The following FAM149A variants were observed in gnomAD, a reference collection of about 807,000 sequenced individuals.
FAM149A encodes the protein protein FAM149A.
FAM149A carries 71 observed loss-of-function variants against 78.2 expected under a neutral mutation model. That is an observed-to-expected ratio of 0.91 (90% CI 0.75 to 1.11). FAM149A has a LOEUF of 1.11. FAM149A is among the 50% of genes least tolerant of loss of function. The pLI, the probability that FAM149A is intolerant of heterozygous loss-of-function variation, is 0.00. For missense variants in FAM149A, 1,036 were observed against 971.0 expected, an observed-to-expected ratio of 1.07 and a Z score of -0.89; for synonymous variants, 446 against 410.5, an observed-to-expected ratio of 1.09 and a Z score of -1.04.
At chr4:186,123,850 G>A (rs1362395719) in intron 1 of FAM149A, 7 of 983,480 alleles carry the variant, frequency 7.1e-6, no homozygotes, top group Admixed American at 6.2e-5. Flanking sequence ...GAATAGTTAA[G>A]CAGCAAATAT....
chr4:186,143,420 C>T (rs1375052965), intron 1 of FAM149A, among the ~76,000 whole-genome samples: 1 of 151,236 alleles, frequency 6.6e-6, no homozygotes, highest in Admixed American at 6.6e-5. Context: ...ACACACATCA[C>T]ACATATACAC....
Position 186,167,092 on chromosome 4 carries a change from T to C in FAM149A, c.2135T>C (p.Phe712Ser), listed in dbSNP as rs1735104295. Residue 712 changes from phenylalanine to serine, a missense_variant, in exon 12 of 14, where the codon TTC becomes TCC. Phe to Ser is a radical substitution (Grantham distance 155). This residue lies in a region of FAM149A where 716 missense variants were observed against 711.8 expected (regional missense o/e 1.01). Coordinates refer to ENST00000389354, the MANE Select transcript of FAM149A (RefSeq NM_001367768.3). ...TCAAGGCCCAGCACAACCCACACGT[T>C]CCGGGTGGGTTCTCTGTTTCCTGTA... 1 of 1,612,352 alleles carries C rather than the reference T, an allele frequency of 6.2e-7. No individual in the cohort carries two copies. Among genetic ancestry groups the C allele is most frequent in the Admixed American group, 1.7e-5 (1 of 59,938 alleles).
intron 1 of FAM149A, chr4:186,124,269 T>A (rs2099317306): frequency 1.0e-6 from 1 of 977,936 alleles, no homozygotes; most frequent in East Asian, 1.1e-4. Flanking sequence ...TTCTTTCTTT[T>A]TTTTTTATTA....
In FAM149A at chr4:186,144,741, C is replaced by CGGGGCT; in HGVS notation, c.567-4427_567-4426insTGGGGC. The CGGGGCT allele has an allele frequency of 1.1e-6, 1 of 880,226 alleles. No homozygotes were observed. The highest frequency in any genetic ancestry group is 1.4e-6 in the Non-Finnish European group (1 of 733,952). The allele number at this position is 880,226 out of a possible 1,614,324, so 54.5% of individuals were successfully genotyped here. On this transcript the variant is annotated intron_variant, in intron 1 of 13. Transcript: ENST00000389354. This position sits in a 1 kb window ranked among gnomAD's most constrained non-coding sequence, Gnocchi z 4.2. Reference sequence around the variant, plus strand: ...GTCGGCGCGGGGCCGGGGCCGGGGCCGGGGCCCGGAGCGGGGATGGGCGGG... The same window carrying CGGGGCT: ...GTCGGCGCGGGGCCGGGGCCGGGGCCGGGGCTGGGGCCCGGAGCGGGGATGGGCGGG...
Position 186,105,443 on chromosome 4 carries a change from C to G in FAM149A, c.367C>G (p.Leu123Val). The G allele has an allele frequency of 8.2e-7, 1 of 1,215,736 alleles. No individual in the cohort carries two copies. The highest frequency in any genetic ancestry group is 1.0e-6 in the Non-Finnish European group (1 of 958,790). 75.3% of individuals were successfully genotyped at this position (1,215,736 alleles called of 1,614,324 possible). A position where few individuals can be genotyped will look rare whatever the true frequency, so the allele number is the denominator to read the frequency against. Residue 123 changes from leucine (L) to valine (V), a missense_variant, in exon 1 of 14, where the codon CTG (leucine) becomes GTG (valine). By Grantham distance (32) the Leu-to-Val change is conservative. Coordinates refer to ENST00000389354, the MANE Select transcript of FAM149A (RefSeq NM_001367768.3). ...CGGCGGGGGCTGCTCCCCTGCTCGC[C>G]TGGTGGTCCCAGCGCGGCCGCCCTC...
chr4:186,108,422 AAAAC>A (rs1412919676), intron 1 of FAM149A, among the ~76,000 whole-genome samples: 3 of 147,802 alleles, frequency 2.0e-5, no homozygotes, highest in African/African-American at 4.9e-5. Context: ...TTAAAAAAAA[AAAAC>A]AAAAAACTAA....
chr4:186,168,121 G>T (rs1164526565), intron 13 of FAM149A, among the ~76,000 whole-genome samples: 1 of 152,178 alleles, frequency 6.6e-6, no homozygotes, highest in South Asian at 2.1e-4. Flanking sequence ...GCGTAGCACA[G>T]ATCTGTCGCT....
chr4:186,162,810 C>CTTTTTTTT lies in FAM149A; in HGVS notation c.1576-19_1576-12dup, dbSNP rs56973296. ...GGAACGGCACTGGGCATTTGTAATT[C>CTTTTTTTT]TTTTTTTTTTTTTTTTTTTTTTTAC... On this transcript the variant is annotated intron_variant, in intron 8 of 13. Coordinates refer to ENST00000389354, the MANE Select transcript of FAM149A (RefSeq NM_001367768.3). 3.3e-4 allele frequency: 188 copies of CTTTTTTTT among 563,052 alleles called. 1 individual carries two copies. Among genetic ancestry groups the CTTTTTTTT allele is most frequent in the South Asian group, 8.5e-4 (44 of 51,646 alleles). The allele number at this position is 563,052 out of a possible 1,614,324, so 34.9% of individuals were successfully genotyped here. A position where few individuals can be genotyped will look rare whatever the true frequency, so the allele number is the denominator to read the frequency against.
At chr4:186,141,382 A>C (rs1384258977) in intron 1 of FAM149A, among the ~76,000 whole-genome samples, 1 of 152,176 alleles carries the variant, frequency 6.6e-6, no homozygotes, top group African/African-American at 2.4e-5. Context: ...TATTAGATTA[A>C]AATATATCAT....
chr4:186,150,683 T>C (rs1733492936), intron 3 of FAM149A, among the ~76,000 whole-genome samples: 1 of 147,196 alleles, frequency 6.8e-6, no homozygotes, highest in Non-Finnish European at 1.5e-5. Context: ...CCTCCCAAAG[T>C]GCTGGGATTA....
Position 186,144,687 on chromosome 4 carries a change from G to T in FAM149A, c.567-4486G>T. 1 of 505,526 alleles carries T rather than the reference G, an allele frequency of 2.0e-6. No homozygotes were observed. The highest frequency in any genetic ancestry group is 7.8e-5 in the South Asian group (1 of 12,798). 31.3% of individuals were successfully genotyped at this position (505,526 alleles called of 1,614,324 possible). ...GCTGGGTTGGAAACCCGGCCCGGCAGGGAGCGGGGAAGGCGCGCTTTCCCG... is the reference window on the plus strand; with the variant it reads ...GCTGGGTTGGAAACCCGGCCCGGCATGGAGCGGGGAAGGCGCGCTTTCCCG... On this transcript the variant is annotated intron_variant, in intron 1 of 13. Coordinates refer to ENST00000389354, the MANE Select transcript of FAM149A (RefSeq NM_001367768.3). The surrounding 1 kb of genome is among the most constrained non-coding windows in gnomAD (Gnocchi z 4.2).
intron 1 of FAM149A, chr4:186,145,016 G>A (rs1308818443): frequency 5.3e-4 from 522 of 981,058 alleles, no homozygotes; most frequent in Admixed American, 8.1e-4. Flanking sequence ...TGTCTGCGTG[G>A]GGCCCGCGCG....
intron 1 of FAM149A, chr4:186,124,143 C>T (rs1329303176): frequency 1.0e-6 from 1 of 985,082 alleles, no homozygotes; most frequent in South Asian, 4.7e-5. Flanking sequence ...TACCAAGATA[C>T]ATCTACAGAA....
intron 1 of FAM149A, among the ~76,000 whole-genome samples, chr4:186,107,030 C>T (rs968238553): frequency 6.6e-6 from 1 of 152,196 alleles, no homozygotes; most frequent in African/African-American, 2.4e-5. Context: ...TATATTATGA[C>T]ATATGTTTAT....
chr4:186,157,349 G>A (rs911839200), intron 7 of FAM149A, among the ~76,000 whole-genome samples: 1 of 152,092 alleles, frequency 6.6e-6, no homozygotes, highest in Non-Finnish European at 1.5e-5. Flanking sequence ...AATCTGTATT[G>A]CCCACTGTGT....
intron 1 of FAM149A, among the ~76,000 whole-genome samples, chr4:186,133,899 G>A (rs11734699): frequency 0.34 from 50,948 of 152,064 alleles, 8,807 homozygotes; most frequent in South Asian, 0.42. Context: ...CAAGTGATCA[G>A]CCCACCTCAG....
At chr4:186,132,491 G>C (rs2099321137) in intron 1 of FAM149A, among the ~76,000 whole-genome samples, 2 of 152,172 alleles carry the variant, frequency 1.3e-5, no homozygotes, top group Non-Finnish European at 2.9e-5. Flanking sequence ...ATCTAAGACA[G>C]GTCTCAACCG....
intron 1 of FAM149A, chr4:186,123,799 A>G (rs1197038958): frequency 2.0e-6 from 2 of 979,994 alleles, no homozygotes; most frequent in African/African-American, 1.7e-5. Context: ...GCAGAGTAAA[A>G]TGAAATCCCA....
At chr4:186,125,397 A>C in intron 1 of FAM149A, 1 of 924,818 alleles carries the variant, frequency 1.1e-6, no homozygotes, top group African/African-American at 1.8e-5. Flanking sequence ...TGCTGAGGGA[A>C]GCAGCCCTAG....
Sources: allele counts gnomAD v4.1 joint callset (sites outside exome capture counted in the v4.1 genomes callset), GRCh38; gene constraint gnomAD v4.1.1; regional missense constraint gnomAD v4.1.1; non-coding constraint Gnocchi (gnomAD v3.1); transcripts MANE v1.5; gene names NCBI Gene and HGNC (gene_info 2026-07-23, HGNC 2026-07-21).